Variants in PPP1R1A observed in about 807,000 individuals in gnomAD.
The protein encoded by PPP1R1A is protein phosphatase 1 regulatory subunit 1A.
PPP1R1A carries 18 observed loss-of-function variants against 23.9 expected under a neutral mutation model. The observed-to-expected ratio is 0.75, with a 90% CI of 0.52 to 1.12. PPP1R1A has a LOEUF of 1.12. Among genes scored for constraint, PPP1R1A ranks in the 50% most tolerant of loss-of-function variants. The pLI, the probability that PPP1R1A is intolerant of heterozygous loss-of-function variation, is 0.00. For missense variants in PPP1R1A, 207 were observed against 223.8 expected (o/e 0.92, Z 0.48); for synonymous variants, 84 against 80.7 (o/e 1.04, Z -0.22).
chr12:54,584,121 C>T, intron 2 of PPP1R1A, 139 bp downstream of exon 2: 1 of 909,438 alleles, frequency 1.1e-6, no homozygotes, highest in Non-Finnish European at 1.8e-6. Flanking sequence ...GCAATCTAGC[C>T]ACCACCTTCC....
Position 54,580,271 on chromosome 12 carries a change from A to T in PPP1R1A, c.*116T>A. 1 of 1,533,706 alleles carries T rather than the reference A, an allele frequency of 6.5e-7. No homozygotes were observed. Among genetic ancestry groups the T allele is most frequent in the South Asian group, 1.3e-5 (1 of 79,690 alleles). ...GGAAAGTGCCAAGGACCTAACACCA[A>T]ATTTATCACTTTTTAAAAACAAGAG... On this transcript the variant is annotated 3_prime_UTR_variant, in exon 7 of 7. Coordinates refer to ENST00000257905, the MANE Select transcript of PPP1R1A (RefSeq NM_006741.4).
intron 3 of PPP1R1A, 133 bp from the exon 4 acceptor site, chr12:54,582,928 A>T (rs915679730): frequency 4.1e-6 from 4 of 975,798 alleles, no homozygotes; most frequent in Non-Finnish European, 6.0e-6. Flanking sequence ...TTTGGATTGG[A>T]GCCTGGGGTA....
At position 54,584,268 on chromosome 12, in the gene PPP1R1A, G is replaced by A. The variant is rs1374182119; in HGVS notation, c.137C>T (p.Ser46Leu). The A allele has an allele frequency of 6.2e-7, 1 of 1,602,298 alleles. No homozygotes were observed. Among genetic ancestry groups the A allele is most frequent in the Non-Finnish European group, 8.5e-7 (1 of 1,174,658 alleles). The change falls in exon 2 of 7, where the codon TCA (serine) becomes TTA (leucine). Residue 46 changes from serine (S) to leucine (L), a missense_variant. By Grantham distance (145) the Ser-to-Leu change is moderately radical (BLOSUM62 -2). Coordinates refer to ENST00000257905, the MANE Select transcript of PPP1R1A (RefSeq NM_006741.4). ...PATLVLTSDQ[S>L]SPEIDEDRIP... ...CCTATCCCTTGGCTTACCTGGGGAT[G>A]ACTGGTCACTGGTCAGCACGAGGGT...
intron 2 of PPP1R1A, among the ~76,000 whole-genome samples, 200 bp downstream of exon 2, chr12:54,584,060 T>C (rs1249682): frequency 0.019 from 2,840 of 152,282 alleles, 99 homozygotes; most frequent in African/African-American, 0.065. Context: ...CCAGGTGGTC[T>C]CCCTCCCTTT....
intron 3 of PPP1R1A, 68 bp from the exon 4 acceptor site, chr12:54,582,863 C>G: frequency 6.6e-7 from 1 of 1,511,428 alleles, no homozygotes; most frequent in Non-Finnish European, 9.1e-7. Flanking sequence ...CCCTTGCCCT[C>G]TAGCCCCCCA....
intron 4 of PPP1R1A, 59 bp from the exon 5 acceptor site, chr12:54,582,190 G>A: frequency 6.6e-7 from 1 of 1,512,578 alleles, no homozygotes; most frequent in South Asian, 1.3e-5. Context: ...TCTCCCCTGT[G>A]GGCCTCCGGA....
Position 54,580,355 on chromosome 12 carries a change from G to T in PPP1R1A, c.*32C>A. 11 of 1,613,098 alleles carry T rather than the reference G, an allele frequency of 6.8e-6. No homozygotes were observed. Among genetic ancestry groups the T allele is most frequent in the South Asian group, 1.1e-5 (1 of 90,880 alleles). On this transcript the variant is annotated 3_prime_UTR_variant, in exon 7 of 7. Transcript: ENST00000257905. ...TCCGGTGTCCATGCATTCCCAAACTGCAGTCTTGATCCCAAGATACCTCCT... is the reference window on the plus strand; with the variant it reads ...TCCGGTGTCCATGCATTCCCAAACTTCAGTCTTGATCCCAAGATACCTCCT...
At chr12:54,582,917 T>C in intron 3 of PPP1R1A, 122 bp from the exon 4 acceptor site, 1 of 1,083,974 alleles carries the variant, frequency 9.2e-7, no homozygotes, top group Non-Finnish European at 1.3e-6. Context: ...CTTGCCAGGC[T>C]TTTGGATTGG....
chr12:54,582,104 A>G lies in PPP1R1A; in HGVS notation c.275T>C (p.Leu92Pro), dbSNP rs1957861092. ...KELQMMVEHHLGQQQQGEEPE... is the reference protein window; with the variant it reads ...KELQMMVEHHPGQQQQGEEPE... Reference sequence around the variant, plus strand: ...TTCCTCTCCTTGCTGCTGTTGCCCCAGGTGATGTTCAACCATCATCTGGAG... The same window carrying G: ...TTCCTCTCCTTGCTGCTGTTGCCCCGGGTGATGTTCAACCATCATCTGGAG... Residue 92 changes from leucine to proline, a missense_variant, in exon 5 of 7, where the codon CTG becomes CCG. Leu to Pro is a moderately conservative substitution (Grantham distance 98). Transcript: ENST00000257905. 2 of 1,613,494 alleles carry G rather than the reference A, an allele frequency of 1.2e-6. No homozygotes were observed. Among genetic ancestry groups the G allele is most frequent in the Non-Finnish European group, 1.7e-6 (2 of 1,179,732 alleles).
intron 1 of PPP1R1A, among the ~76,000 whole-genome samples, chr12:54,585,225 G>T (rs1440759843): frequency 6.6e-6 from 1 of 152,142 alleles, no homozygotes; most frequent in Non-Finnish European, 1.5e-5. Flanking sequence ...GGGGTTGGGG[G>T]AATCCTTGTC....
rs1957862452 is a variant in PPP1R1A at position 54,582,236 on chromosome 12, T to C, written c.248-105A>G. ...CCACTAAAGGCTCAGCACACATTGC[T>C]GGGTGTTTGACTTTCCCATCCACTG... On this transcript the variant is annotated intron_variant, in intron 4 of 6. Transcript: ENST00000257905. The C allele has an allele frequency of 4.0e-6, 5 of 1,253,948 alleles. No homozygotes were observed. The South Asian group carries it at 4.8e-5, about 12-fold the overall frequency. The allele number at this position is 1,253,948 out of a possible 1,614,324, so 77.7% of individuals were successfully genotyped here. A position where few individuals can be genotyped will look rare whatever the true frequency, so the allele number is the denominator to read the frequency against.
chr12:54,580,127 A>G lies in PPP1R1A; in HGVS notation c.*260T>C, dbSNP rs1163795586. 1 of 1,282,606 alleles carries G rather than the reference A, an allele frequency of 7.8e-7. No homozygotes were observed. Among genetic ancestry groups the G allele is most frequent in the Non-Finnish European group, 9.9e-7 (1 of 1,008,194 alleles). The allele number at this position is 1,282,606 out of a possible 1,614,324, so 79.5% of individuals were successfully genotyped here. A position where few individuals can be genotyped will look rare whatever the true frequency, so the allele number is the denominator to read the frequency against. Reference sequence around the variant, plus strand: ...CTAAGGGAAGAACTCTTCCCTGCTCAAGGCTTCTGCCTAGCTCCTGTTTCT... The same window carrying G: ...CTAAGGGAAGAACTCTTCCCTGCTCGAGGCTTCTGCCTAGCTCCTGTTTCT... On this transcript the variant is annotated 3_prime_UTR_variant, in exon 7 of 7. Coordinates refer to ENST00000257905, the MANE Select transcript of PPP1R1A (RefSeq NM_006741.4).
chr12:54,579,270 T>C lies in PPP1R1A; in HGVS notation c.*1117A>G. The C allele has an allele frequency of 1.0e-6, 1 of 985,192 alleles. No homozygotes were observed. Among genetic ancestry groups the C allele is most frequent in the Non-Finnish European group, 1.2e-6 (1 of 829,924 alleles). The allele number at this position is 985,192 out of a possible 1,614,324, so 61.0% of individuals were successfully genotyped here. A position where few individuals can be genotyped will look rare whatever the true frequency, so the allele number is the denominator to read the frequency against. ...CTGTGTGTGTTCACTGGGTACAAGTTGACCAAGCATCTTCACATACATACA... is the reference window on the plus strand; with the variant it reads ...CTGTGTGTGTTCACTGGGTACAAGTCGACCAAGCATCTTCACATACATACA... On this transcript the variant is annotated 3_prime_UTR_variant, in exon 7 of 7. Coordinates refer to ENST00000257905, the MANE Select transcript of PPP1R1A (RefSeq NM_006741.4).
In PPP1R1A at chr12:54,582,793, G is replaced by A. The variant is rs772784390; in HGVS notation, c.186C>T (p.Ser62=). ...GTTGCCGTGGAGACATTGCCAAAGT[G>A]GACTGTGAAGGGCACAGAGCACAGA... The part of the protein sequence containing the change: ...EDRIPNPHLK[S]TLAMSPRQRK... The change falls in exon 4 of 7, where the codon TCC becomes TCT. Residue 62 remains serine (S), a splice_region_variant and synonymous_variant. Transcript: ENST00000257905. 6.2e-7 allele frequency: 1 copy of A among 1,613,328 alleles called. No individual in the cohort carries two copies. Among genetic ancestry groups the A allele is most frequent in the Non-Finnish European group, 8.5e-7 (1 of 1,179,850 alleles).
In PPP1R1A at chr12:54,588,545, C is replaced by T. The variant is rs1592185804; in HGVS notation, c.-57G>A. On this transcript the variant is annotated 5_prime_UTR_variant, in exon 1 of 7. Coordinates refer to ENST00000257905, the MANE Select transcript of PPP1R1A (RefSeq NM_006741.4). ...CGGCGGGAGGGAAGGCGGCGGGACT[C>T]GGGGCTGGGGCGGGCGCGCTCCCTC... is the stretch of plus-strand genomic sequence containing the variant. The T allele has an allele frequency of 1.4e-5, 16 of 1,169,808 alleles. No individual in the cohort carries two copies. In the East Asian group the frequency reaches 5.4e-4, roughly 40 times the overall value. The allele number at this position is 1,169,808 out of a possible 1,614,324, so 72.5% of individuals were successfully genotyped here. A position where few individuals can be genotyped will look rare whatever the true frequency, so the allele number is the denominator to read the frequency against.
In PPP1R1A at chr12:54,582,038, C is replaced by T. The variant is rs747044348; in HGVS notation, c.341G>A (p.Arg114His). 10 of 1,613,580 alleles carry T rather than the reference C, an allele frequency of 6.2e-6. No homozygotes were observed. The highest frequency in any genetic ancestry group is 2.2e-5 in the East Asian group (1 of 44,864). ...AAESTGTQES[R>H]PPGIPDTEVE... is the part of the protein sequence containing the mutation. ...TTCTGTGTCTGGGATCCCAGGTGGG[C>T]GGGACTCCTGGGTTCCTGTGCTCTC... is the stretch of plus-strand genomic sequence containing the variant. Residue 114 changes from arginine (R) to histidine (H), a missense_variant, in exon 5 of 7, where the codon CGC becomes CAC. By Grantham distance (29) the Arg-to-His change is conservative. Transcript: ENST00000257905.
At position 54,579,346 on chromosome 12, in the gene PPP1R1A, A is replaced by G; in HGVS notation, c.*1041T>C. On this transcript the variant is annotated 3_prime_UTR_variant, in exon 7 of 7. Coordinates refer to ENST00000257905, the MANE Select transcript of PPP1R1A (RefSeq NM_006741.4). ...GTGAGGCGTTCTCCCTCATATATAT[A>G]TATATATATATTTAGGTATGTATCT... 1 of 980,848 alleles carries G rather than the reference A, an allele frequency of 1.0e-6. No individual in the cohort carries two copies. The highest frequency in any genetic ancestry group is 1.2e-6 in the Non-Finnish European group (1 of 826,012). 60.8% of individuals were successfully genotyped at this position (980,848 alleles called of 1,614,324 possible).
chr12:54,588,368 C>A, intron 1 of PPP1R1A, 37 bp downstream of exon 1: 1 of 1,478,570 alleles, frequency 6.8e-7, no homozygotes, highest in African/African-American at 1.5e-5. Flanking sequence ...TCGTCCTTGG[C>A]TGGGCGAGTG....
intron 6 of PPP1R1A, 102 bp from the exon 7 acceptor site, chr12:54,580,494 A>C: frequency 1.7e-6 from 2 of 1,204,084 alleles, no homozygotes; most frequent in Non-Finnish European, 2.4e-6. Context: ...CTAATGTCTC[A>C]GAAAGCTTGT....
Sources: gnomAD v4.1 joint callset for allele counts (sites outside exome capture counted in the v4.1 genomes callset) on GRCh38, gnomAD v4.1.1 for gene constraint, MANE v1.5 for transcripts, NCBI Gene and HGNC (gene_info 2026-07-23, HGNC 2026-07-21) for gene names.